SLIT3: variants seen among roughly 807,000 people sequenced by gnomAD.
SLIT3 encodes the protein slit guidance ligand 3.
Under a neutral mutation model 184.0 loss-of-function variants are expected in SLIT3, and 68 were observed. The observed-to-expected ratio is 0.37, with a 90% CI of 0.30 to 0.45. The LOEUF (loss-of-function observed/expected upper bound fraction) is 0.45. Among genes scored for constraint, SLIT3 ranks in the 20% least tolerant of loss-of-function variants. The pLI is 1.00. For missense variants in SLIT3, 1,707 were observed against 2,026.0 expected (o/e 0.84, Z 3.02); for synonymous variants, 831 against 828.6 (o/e 1.00, Z -0.05).
rs1764476711 is a variant in SLIT3 at position 169,217,435 on chromosome 5, G to A, written c.342-23885C>T. On this transcript the variant is annotated intron_variant, in intron 3 of 35. Coordinates refer to ENST00000519560, the MANE Select transcript of SLIT3 (RefSeq NM_003062.4). ...CCCAGGGCTCGACTTTGTGGCTGAG[G>A]GATTGGGACCCCAGTGTTGGATGAC... Among the ~76,000 whole-genome samples the A allele has an allele frequency of 3.3e-5, 5 of 152,124 alleles. No individual in the cohort carries two copies. The South Asian group carries it at 8.3e-4, about 25-fold the overall frequency.
At position 168,752,951 on chromosome 5, in the gene SLIT3, T is replaced by G. The variant is rs770835942; in HGVS notation, c.1973+4A>C. Reference sequence around the variant, plus strand: ...CCGTGGGCAGTGGACCCAGGAGAACTTACATGGTGGACAGGGAGACAAGCG... The same window carrying G: ...CCGTGGGCAGTGGACCCAGGAGAACGTACATGGTGGACAGGGAGACAAGCG... On this transcript the variant is annotated splice_donor_region_variant and intron_variant, in intron 18 of 35. Transcript: ENST00000519560. 72 of 1,613,780 alleles carry G rather than the reference T, an allele frequency of 4.5e-5. No individual in the cohort carries two copies. The highest frequency in any genetic ancestry group is 2.5e-6 in the Non-Finnish European group (3 of 1,179,932).
chr5:168,738,677 G>C (rs989173142), intron 20 of SLIT3, among the ~76,000 whole-genome samples: 4 of 152,200 alleles, frequency 2.6e-5, no homozygotes, highest in African/African-American at 7.2e-5. Flanking sequence ...GGTGGCTCAT[G>C]CCTGTAATCC....
intron 5 of SLIT3, among the ~76,000 whole-genome samples, chr5:168,854,790 C>T (rs1003519639): frequency 6.6e-6 from 1 of 152,156 alleles, no homozygotes; most frequent in Non-Finnish European, 1.5e-5. Context: ...GTAGGGTGTT[C>T]GGGGTGAGTG....
At chr5:169,078,400 A>T (rs1758829747) in intron 4 of SLIT3, among the ~76,000 whole-genome samples, 1 of 151,984 alleles carries the variant, frequency 6.6e-6, no homozygotes, top group Non-Finnish European at 1.5e-5. Flanking sequence ...TTGGATACCC[A>T]CCACCGATAA....
At chr5:168,755,420 T>TTCTTTTCTTTC (rs1754889181) in intron 16 of SLIT3, among the ~76,000 whole-genome samples, 1 of 45,516 alleles carries the variant, frequency 2.2e-5, no homozygotes, top group Non-Finnish European at 4.0e-5. Context: ...TTTCTTTCTT[T>TTCTTTTCTTTC]CTTTCTTTCT....
At chr5:169,081,076 G>T (rs954184686) in intron 4 of SLIT3, among the ~76,000 whole-genome samples, 2 of 152,174 alleles carry the variant, frequency 1.3e-5, no homozygotes, top group African/African-American at 4.8e-5. Flanking sequence ...CTTGTTTATG[G>T]CCTGGGGGAA....
intron 4 of SLIT3, among the ~76,000 whole-genome samples, chr5:168,937,315 T>C (rs1338159448): frequency 1.3e-5 from 2 of 152,068 alleles, no homozygotes; most frequent in Non-Finnish European, 2.9e-5. Context: ...TAAAGTGTTG[T>C]GAGCAGGAGA....
intron 4 of SLIT3, among the ~76,000 whole-genome samples, chr5:169,101,373 A>T (rs1393560129): frequency 2.0e-5 from 3 of 152,216 alleles, no homozygotes; most frequent in Admixed American, 1.3e-4. Context: ...CCCACCATGG[A>T]AACTTGCTCT....
At chr5:169,067,963 A>G (rs2113115971) in intron 4 of SLIT3, among the ~76,000 whole-genome samples, 1 of 152,380 alleles carries the variant, frequency 6.6e-6, no homozygotes, top group East Asian at 1.9e-4. Flanking sequence ...TTTAATCACA[A>G]TAATGAACTA....
intron 3 of SLIT3, among the ~76,000 whole-genome samples, chr5:169,218,532 A>C (rs1266916204): frequency 6.6e-6 from 1 of 152,210 alleles, no homozygotes; most frequent in East Asian, 1.9e-4. Context: ...ACTGGCGGGA[A>C]CATTAAGGGA....
chr5:168,980,450 T>A (rs757740275), intron 4 of SLIT3, among the ~76,000 whole-genome samples: 3 of 152,212 alleles, frequency 2.0e-5, no homozygotes, highest in Non-Finnish European at 2.9e-5. Flanking sequence ...CCTTTTGCTA[T>A]ACAAGGAAAT....
intron 35 of SLIT3, among the ~76,000 whole-genome samples, chr5:168,668,837 T>G (rs1761141038): frequency 6.6e-6 from 1 of 152,258 alleles, no homozygotes; most frequent in African/African-American, 2.4e-5. Context: ...CAGGTTGATC[T>G]TGGCTGACTG....
intron 4 of SLIT3, among the ~76,000 whole-genome samples, chr5:169,187,886 T>C (rs1457091943): frequency 2.0e-5 from 3 of 149,876 alleles, no homozygotes; most frequent in Non-Finnish European, 4.4e-5. Context: ...AAAAAAAAGT[T>C]GTGAACCCAT....
chr5:169,037,036 AT>A (rs1757278534), intron 4 of SLIT3, among the ~76,000 whole-genome samples: 1 of 152,168 alleles, frequency 6.6e-6, no homozygotes, highest in South Asian at 2.1e-4. Context: ...ACCACTGCTA[AT>A]TGACCAAGGG....
rs774066150 is a variant in SLIT3 at position 168,872,640 on chromosome 5, C to CTTTTTT, written c.485+10619_485+10624dup. On this transcript the variant is annotated intron_variant, in intron 5 of 35. Transcript: ENST00000519560. ...TTCTTCTTTTCTTCTTCTTCTTCTT[C>CTTTTTT]TTTTTTTTTTTTTTTTGAGACAGAG... Among the ~76,000 whole-genome samples the CTTTTTT allele has an allele frequency of 4.1e-4, 46 of 112,438 alleles. 1 individual carries two copies. The highest frequency in any genetic ancestry group is 5.2e-4 in the African/African-American group (15 of 28,914). 73.8% of individuals were successfully genotyped at this position (112,438 alleles called of 152,430 possible).
At chr5:168,894,434 G>A (rs1760585014) in intron 4 of SLIT3, among the ~76,000 whole-genome samples, 1 of 152,198 alleles carries the variant, frequency 6.6e-6, no homozygotes, top group African/African-American at 2.4e-5. Context: ...TACATCTCAA[G>A]CTATGGGAAT....
At chr5:168,807,035 T>C (rs905688249) in intron 8 of SLIT3, among the ~76,000 whole-genome samples, 5 of 152,206 alleles carry the variant, frequency 3.3e-5, no homozygotes, top group Non-Finnish European at 5.9e-5. Context: ...AGTGGCAGAA[T>C]GTCCCCATTT....
At chr5:168,852,373 A>C (rs1378136101) in intron 5 of SLIT3, among the ~76,000 whole-genome samples, 1 of 152,178 alleles carries the variant, frequency 6.6e-6, no homozygotes, top group East Asian at 1.9e-4. Context: ...AAATTTTCCC[A>C]CTGGGCTCTA....
chr5:168,696,469 G>C, intron 27 of SLIT3, 38 bp from the exon 28 acceptor site: 2 of 1,612,014 alleles, frequency 1.2e-6, no homozygotes, highest in Non-Finnish European at 1.7e-6. Context: ...GGGAGTCAGG[G>C]GTCAGGGAGA....
Sources: gnomAD v4.1 joint callset for allele counts (sites outside exome capture counted in the v4.1 genomes callset) on GRCh38, gnomAD v4.1.1 for gene constraint, MANE v1.5 for transcripts, NCBI Gene and HGNC (gene_info 2026-07-23, HGNC 2026-07-21) for gene names.